The following SMYD3 variants were observed in gnomAD, a reference collection of about 807,000 sequenced individuals.
SMYD3 encodes the protein histone-lysine N-methyltransferase SMYD3.
A neutral mutation model predicts 57.7 loss-of-function variants in SMYD3; 36 were observed. That is an observed-to-expected ratio of 0.62 (90% confidence interval 0.48 to 0.82). SMYD3 has a LOEUF of 0.82. Ranked by LOEUF, SMYD3 falls within the 40% of genes least tolerant of loss-of-function variation. The probability of loss-of-function intolerance (pLI) is 0.00; values close to 1 mark genes in which losing one functional copy is unlikely to be tolerated. For missense variants in SMYD3, 515 were observed against 538.8 expected, an observed-to-expected ratio of 0.96 and a Z score of 0.44; for synonymous variants, 211 against 195.0, an observed-to-expected ratio of 1.08 and a Z score of -0.68.
intron 5 of SMYD3, among the ~76,000 whole-genome samples, chr1:246,036,439 T>C (rs1486020398): frequency 2.0e-5 from 3 of 152,152 alleles, no homozygotes; most frequent in Non-Finnish European, 4.4e-5. Context: ...ATTTTATACA[T>C]ACACAAGAAC....
At chr1:246,170,008 A>G (rs1170095334) in intron 5 of SMYD3, among the ~76,000 whole-genome samples, 1 of 152,150 alleles carries the variant, frequency 6.6e-6, no homozygotes, top group African/African-American at 2.4e-5. Context: ...TTTGATAACA[A>G]AACTAGAATG....
chr1:246,028,001 T>C (rs983658963), intron 5 of SMYD3, among the ~76,000 whole-genome samples: 15 of 152,246 alleles, frequency 9.9e-5, no homozygotes, highest in African/African-American at 3.4e-4. Context: ...ATGGATGACT[T>C]TGAGGGGGTC....
At chr1:246,438,534 C>T (rs1305317556) in intron 1 of SMYD3, among the ~76,000 whole-genome samples, 2 of 152,224 alleles carry the variant, frequency 1.3e-5, no homozygotes, top group African/African-American at 4.8e-5. Flanking sequence ...CAACCCCCTC[C>T]CTGGCCCCCA....
Position 246,097,392 on chromosome 1 carries a change from G to A in SMYD3, c.532-167455C>T, listed in dbSNP as rs148120365. Among the ~76,000 whole-genome samples the A allele has an allele frequency of 1.2e-4, 18 of 152,214 alleles. No homozygotes were observed. In the East Asian group the frequency reaches 3.3e-3, roughly 28 times the overall value. Reference sequence around the variant, plus strand: ...TGGCAAGCAGCAGGATGCCGAGATGGTTCCAGCTCAGACAAGGTTCCAGGA... The same window carrying A: ...TGGCAAGCAGCAGGATGCCGAGATGATTCCAGCTCAGACAAGGTTCCAGGA... On this transcript the variant is annotated intron_variant, in intron 5 of 11. Coordinates refer to ENST00000490107, the MANE Select transcript of SMYD3 (RefSeq NM_001167740.2).
chr1:245,772,502 CAATT>C (rs2046378011), intron 10 of SMYD3, among the ~76,000 whole-genome samples: 1 of 151,680 alleles, frequency 6.6e-6, no homozygotes, highest in African/African-American at 2.4e-5. Context: ...GAAAAAAAAA[CAATT>C]TAACTAGTCA....
chr1:246,477,810 C>T (rs1364615651), intron 1 of SMYD3, among the ~76,000 whole-genome samples: 1 of 152,178 alleles, frequency 6.6e-6, no homozygotes, highest in African/African-American at 2.4e-5. Flanking sequence ...GACTGCTTAA[C>T]TGAGGTAACA....
intron 5 of SMYD3, among the ~76,000 whole-genome samples, chr1:246,021,479 A>G (rs2059469835): frequency 6.6e-6 from 1 of 152,150 alleles, no homozygotes; most frequent in African/African-American, 2.4e-5. Flanking sequence ...TCAGAGAAGG[A>G]CTAACGTCCA....
At chr1:246,062,449 T>C (rs1438456066) in intron 5 of SMYD3, among the ~76,000 whole-genome samples, 3 of 152,176 alleles carry the variant, frequency 2.0e-5, no homozygotes, top group African/African-American at 4.8e-5. Context: ...TTTAAACATC[T>C]TGTGACACCA....
intron 5 of SMYD3, among the ~76,000 whole-genome samples, chr1:246,014,019 T>C (rs948718262): frequency 3.3e-5 from 5 of 152,212 alleles, no homozygotes; most frequent in Admixed American, 6.5e-5. Flanking sequence ...ATCAGCAATT[T>C]TGCATTAAAA....
At chr1:246,051,133 CTTT>C (rs11453523) in intron 5 of SMYD3, among the ~76,000 whole-genome samples, 5 of 141,678 alleles carry the variant, frequency 3.5e-5, no homozygotes, top group Non-Finnish European at 6.2e-5. Context: ...TTTCTTACTC[CTTT>C]TTTTTTTTTT....
At chr1:246,136,409 G>T (rs1158226043) in intron 5 of SMYD3, among the ~76,000 whole-genome samples, 1 of 152,186 alleles carries the variant, frequency 6.6e-6, no homozygotes, top group African/African-American at 2.4e-5. Context: ...GGAGACAGTT[G>T]TGAATAATGC....
At chr1:246,110,369 C>A (rs560204291) in intron 5 of SMYD3, among the ~76,000 whole-genome samples, 2 of 152,262 alleles carry the variant, frequency 1.3e-5, no homozygotes, top group South Asian at 4.1e-4. Flanking sequence ...CATGCTGAGG[C>A]CGGAAGGGAG....
At chr1:245,765,045 T>TGCACACACAC (rs144137711) in intron 10 of SMYD3, among the ~76,000 whole-genome samples, 216 of 134,722 alleles carry the variant, frequency 1.6e-3, no homozygotes, top group African/African-American at 4.7e-3. Context: ...TGGAAATGCC[T>TGCACACACAC]ACACACACAC....
intron 10 of SMYD3, among the ~76,000 whole-genome samples, chr1:245,792,783 G>A (rs1441140598): frequency 2.0e-5 from 3 of 152,174 alleles, no homozygotes; most frequent in East Asian, 1.9e-4. Context: ...TTGGGTGGAC[G>A]AAGGGAGAGG....
At position 246,108,563 on chromosome 1, in the gene SMYD3, G is replaced by C. The variant is rs375387426; in HGVS notation, c.532-178626C>G. The C allele has an allele frequency of 2.0e-5, 3 of 152,056 alleles. No homozygotes were observed. In the East Asian group the frequency reaches 5.8e-4, roughly 29 times the overall value. 9.4% of individuals were successfully genotyped at this position (152,056 alleles called of 1,614,324 possible). A position where few individuals can be genotyped will look rare whatever the true frequency, so the allele number is the denominator to read the frequency against. The stretch of plus-strand genomic sequence containing the variant: ...AATCACTGCCTGCTTCCTAAAACTT[G>C]CCCTCCACCGTCTATTATAAATGCT... On this transcript the variant is annotated intron_variant, in intron 5 of 11. Transcript: ENST00000490107.
chr1:246,241,685 T>C (rs2063613686), intron 5 of SMYD3, among the ~76,000 whole-genome samples: 1 of 152,160 alleles, frequency 6.6e-6, no homozygotes, highest in Non-Finnish European at 1.5e-5. Flanking sequence ...CTCCTCTTTG[T>C]ACCTCTGGTA....
At chr1:245,912,153 T>C (rs371512749) in intron 8 of SMYD3, among the ~76,000 whole-genome samples, 5 of 152,020 alleles carry the variant, frequency 3.3e-5, no homozygotes, top group African/African-American at 1.2e-4. Flanking sequence ...ATAAATTCAG[T>C]AAAGCTGCAA....
At position 246,395,194 on chromosome 1, in the gene SMYD3, C is replaced by G. The variant is rs116536037; in HGVS notation, c.165-40100G>C. 2.0e-3 allele frequency among the ~76,000 whole-genome samples: 310 copies of G among 152,316 alleles called. 1 individual carries two copies. The highest frequency in any genetic ancestry group is 7.3e-3 in the African/African-American group (304 of 41,580). ...GCTCCCTCCATTTTAAAACAGAAGG[C>G]TCTATTTTTACCACTATCCCCAAGC... On this transcript the variant is annotated intron_variant, in intron 1 of 11. Transcript: ENST00000490107.
chr1:246,193,434 T>C (rs1170572631), intron 5 of SMYD3, among the ~76,000 whole-genome samples: 3 of 152,232 alleles, frequency 2.0e-5, no homozygotes, highest in Non-Finnish European at 4.4e-5. Context: ...TATGTTTATT[T>C]GTATGATCTT....
Sources: gnomAD v4.1 joint callset for allele counts (sites outside exome capture counted in the v4.1 genomes callset) on GRCh38, gnomAD v4.1.1 for gene constraint, MANE v1.5 for transcripts, NCBI Gene and HGNC (gene_info 2026-07-23, HGNC 2026-07-21) for gene names.